XKR4: variants seen among roughly 807,000 people sequenced by gnomAD.
XKR4 encodes XK-related protein 4.
In XKR4, 12 loss-of-function variants were observed where a neutral mutation model predicts 53.9. The observed-to-expected ratio is 0.22, with a 90% CI of 0.14 to 0.36. The LOEUF is 0.36. Among genes scored for constraint, XKR4 ranks in the 10% least tolerant of loss-of-function variants. XKR4 has a pLI of 1.00. For missense variants in XKR4, 799 were observed against 859.5 expected (o/e 0.93, Z 0.88); for synonymous variants, 354 against 362.4 (o/e 0.98, Z 0.26).
chr8:55,328,257 A>G (rs1585523086), intron 1 of XKR4, among the ~76,000 whole-genome samples: 1 of 152,166 alleles, frequency 6.6e-6, no homozygotes, highest in South Asian at 2.1e-4. Context: ...TGAATTTTTC[A>G]TATGTGGGCT....
intron 1 of XKR4, among the ~76,000 whole-genome samples, chr8:55,352,740 G>A (rs1010086338): frequency 6.6e-6 from 1 of 152,168 alleles, no homozygotes; most frequent in African/African-American, 2.4e-5. Context: ...ACATATTAAG[G>A]CAGAGAGATT....
intron 2 of XKR4, among the ~76,000 whole-genome samples, chr8:55,460,181 C>A (rs1014952099): frequency 2.0e-5 from 3 of 152,162 alleles, no homozygotes; most frequent in African/African-American, 7.2e-5. Flanking sequence ...GCAAAGACTA[C>A]CTATTGTATT....
At chr8:55,506,017 A>G (rs1030989413) in intron 2 of XKR4, among the ~76,000 whole-genome samples, 1 of 152,262 alleles carries the variant, frequency 6.6e-6, no homozygotes, top group African/African-American at 2.4e-5. Flanking sequence ...ACTGCTCAAC[A>G]TAAATGTGTG....
chr8:55,197,001 C>T (rs1362892890), intron 1 of XKR4, among the ~76,000 whole-genome samples: 1 of 152,096 alleles, frequency 6.6e-6, no homozygotes, highest in Non-Finnish European at 1.5e-5. Flanking sequence ...AGCTCAGTAA[C>T]TAGTAACACA....
rs1382754518 is a variant in XKR4 at position 55,538,381 on chromosome 8, A to G, written c.*14154A>G. ...GTCATTCCTGAGAACTGGCATTAAC[A>G]GAAGAGAGCTGTGTGCAGCACGGAG... On this transcript the variant is annotated 3_prime_UTR_variant, in exon 3 of 3. Coordinates refer to ENST00000327381, the MANE Select transcript of XKR4 (RefSeq NM_052898.2). The G allele has an allele frequency of 6.6e-6, 1 of 152,270 alleles. No homozygotes were observed. The highest frequency in any genetic ancestry group is 6.5e-5 in the Admixed American group (1 of 15,278). The allele number at this position is 152,270 out of a possible 1,614,324, so 9.4% of individuals were successfully genotyped here.
chr8:55,395,523 C>T (rs937198387), intron 2 of XKR4, among the ~76,000 whole-genome samples: 1 of 152,072 alleles, frequency 6.6e-6, no homozygotes, highest in Non-Finnish European at 1.5e-5. Flanking sequence ...GCCCACAGGC[C>T]ATCTAGAGAG....
At chr8:55,117,641 G>A (rs926074841) in intron 1 of XKR4, among the ~76,000 whole-genome samples, 1 of 152,154 alleles carries the variant, frequency 6.6e-6, no homozygotes, top group Non-Finnish European at 1.5e-5. Context: ...GGTTCAGAGA[G>A]GGCAAGAGAC....
intron 1 of XKR4, among the ~76,000 whole-genome samples, chr8:55,200,716 G>A (rs571305500): frequency 4.6e-5 from 7 of 152,336 alleles, no homozygotes; most frequent in African/African-American, 1.7e-4. Context: ...GCCTTGCTAT[G>A]AAAGTCTTAC....
chr8:55,497,016 C>A (rs148623214), intron 2 of XKR4, among the ~76,000 whole-genome samples: 2 of 152,194 alleles, frequency 1.3e-5, no homozygotes. Flanking sequence ...TAATCCTACA[C>A]CTCAATGTCC....
chr8:55,169,307 T>C (rs1172546664), intron 1 of XKR4, among the ~76,000 whole-genome samples: 1 of 152,236 alleles, frequency 6.6e-6, no homozygotes, highest in Non-Finnish European at 1.5e-5. Context: ...AACTAGACTG[T>C]TGCCACTGAA....
chr8:55,199,211 G>C (rs1388724688), intron 1 of XKR4, among the ~76,000 whole-genome samples: 1 of 152,002 alleles, frequency 6.6e-6, no homozygotes, highest in Non-Finnish European at 1.5e-5. Context: ...GACTGGGTCA[G>C]ACTTTGTTTA....
At chr8:55,326,482 T>C (rs1375845728) in intron 1 of XKR4, among the ~76,000 whole-genome samples, 2 of 149,564 alleles carry the variant, frequency 1.3e-5, no homozygotes, top group African/African-American at 2.5e-5. Flanking sequence ...TTTTTTTTTT[T>C]TTTTTGGAAA....
chr8:55,338,076 A>T (rs1325640924), intron 1 of XKR4, among the ~76,000 whole-genome samples: 1 of 152,334 alleles, frequency 6.6e-6, no homozygotes, highest in East Asian at 1.9e-4. Flanking sequence ...GAACAATAAG[A>T]AAAAAATGTA....
chr8:55,435,702 G>A (rs2658916), intron 2 of XKR4, among the ~76,000 whole-genome samples: 32,707 of 147,146 alleles, frequency 0.22, 4,291 homozygotes, highest in Non-Finnish European at 0.31. Context: ...CCTGAATAGT[G>A]GGACCCCAGG....
chr8:55,202,148 G>C (rs1004280343), intron 1 of XKR4, among the ~76,000 whole-genome samples: 4 of 152,168 alleles, frequency 2.6e-5, no homozygotes, highest in African/African-American at 9.7e-5. Context: ...AAGGAAGTTG[G>C]CTCCAAATTT....
At chr8:55,460,831 A>T (rs554009941) in intron 2 of XKR4, among the ~76,000 whole-genome samples, 1 of 152,368 alleles carries the variant, frequency 6.6e-6, no homozygotes, top group Admixed American at 6.5e-5. Flanking sequence ...CCAGGAAATT[A>T]TATCCCTCAC....
chr8:55,395,809 TAAA>T (rs1804508468), intron 2 of XKR4, among the ~76,000 whole-genome samples: 1 of 152,160 alleles, frequency 6.6e-6, no homozygotes, highest in African/African-American at 2.4e-5. Flanking sequence ...AAAACTGCCT[TAAA>T]TCTTAGTCTG....
chr8:55,467,357 A>C (rs986920790), intron 2 of XKR4, among the ~76,000 whole-genome samples: 1 of 152,128 alleles, frequency 6.6e-6, no homozygotes, highest in African/African-American at 2.4e-5. Context: ...ATGATTAGGC[A>C]CTTTCATTAC....
intron 2 of XKR4, chr8:55,453,864 C>A: frequency 1.8e-6 from 1 of 541,836 alleles, no homozygotes; most frequent in South Asian, 1.6e-5. Context: ...TCAAACAGGT[C>A]CGTGGGGCAG....
Sources: allele counts gnomAD v4.1 joint callset (sites outside exome capture counted in the v4.1 genomes callset), GRCh38; gene constraint gnomAD v4.1.1; transcripts MANE v1.5; gene names NCBI Gene and HGNC (gene_info 2026-07-23, HGNC 2026-07-21).